CACNA1C: variants seen among roughly 807,000 people sequenced by gnomAD.
CACNA1C encodes the protein voltage-dependent L-type calcium channel subunit alpha-1C.
CACNA1C carries 30 observed loss-of-function variants against 229.0 expected under a neutral mutation model. That is an observed-to-expected ratio of 0.13 (90% CI 0.10 to 0.18). The LOEUF is 0.18. Among genes scored for constraint, CACNA1C ranks in the 10% least tolerant of loss-of-function variants. The probability of loss-of-function intolerance (pLI) is 1.00; values close to 1 mark genes in which losing one functional copy is unlikely to be tolerated. For synonymous variants in CACNA1C, 1,114 were observed against 1,132.5 expected, an observed-to-expected ratio of 0.98 and a Z score of 0.33; for missense variants, 1,658 against 2,845.0, an observed-to-expected ratio of 0.58 and a Z score of 9.49.
intron 5 of CACNA1C, among the ~76,000 whole-genome samples, chr12:2,483,182 G>A (rs573307489): frequency 3.0e-4 from 46 of 152,328 alleles, no homozygotes; most frequent in Admixed American, 5.2e-4. Flanking sequence ...TTGGAGGCAC[G>A]AAGCCAGAGA....
intron 1 of CACNA1C, chr12:2,020,627 CA>C (rs2046277413): frequency 6.6e-6 from 1 of 152,036 alleles, no homozygotes; most frequent in Non-Finnish European, 1.5e-5. Context: ...TTGGCTACAA[CA>C]AAATGGTTGA....
rs549079697 is a variant in CACNA1C, at chr12:2,208,552, C to G, written c.477+88122C>G. ...GTCCCCTAGGCATAAATCTGCTATG[C>G]AGTGCATTGGAGGGAAGCTCCAGGG... On this transcript the variant is annotated intron_variant, in intron 3 of 46. Coordinates refer to ENST00000399655, the MANE Select transcript of CACNA1C (RefSeq NM_000719.7). 2.6e-5 allele frequency among the ~76,000 whole-genome samples: 4 copies of G among 152,302 alleles called. No individual in the cohort carries two copies. The South Asian group carries it at 8.3e-4, about 32-fold the overall frequency.
chr12:2,623,714 G>A (rs1183612841), intron 29 of CACNA1C, among the ~76,000 whole-genome samples: 1 of 152,146 alleles, frequency 6.6e-6, no homozygotes, highest in Non-Finnish European at 1.5e-5. Context: ...TGTCATCTCT[G>A]TCAGTGTCAG....
intron 5 of CACNA1C, among the ~76,000 whole-genome samples, chr12:2,485,297 C>G (rs1048262381): frequency 1.3e-5 from 2 of 152,140 alleles, no homozygotes; most frequent in East Asian, 3.9e-4. Context: ...ACGTGACTTT[C>G]TCGGGGCTGG....
At chr12:2,052,428 G>A (rs2052464991), upstream of CACNA1C, among the ~76,000 whole-genome samples, 1 of 152,002 alleles carries the variant, frequency 6.6e-6, no homozygotes, top group Non-Finnish European at 1.5e-5. Flanking sequence ...GATCCGAAAC[G>A]AGACTCTGGT....
chr12:2,142,342 G>A (rs1047747305), intron 3 of CACNA1C, among the ~76,000 whole-genome samples: 2 of 151,126 alleles, frequency 1.3e-5, no homozygotes, highest in Admixed American at 1.3e-4. Context: ...TTACTTACGT[G>A]TGTGTGGTGG....
chr12:2,074,955 C>T (rs372116816), intron 1 of CACNA1C, among the ~76,000 whole-genome samples: 27 of 152,262 alleles, frequency 1.8e-4, no homozygotes, highest in African/African-American at 5.5e-4. Flanking sequence ...CATGGGGACC[C>T]GGATCAAGCC....
chr12:2,423,651 T>C (rs1319908433), intron 3 of CACNA1C, among the ~76,000 whole-genome samples: 1 of 152,060 alleles, frequency 6.6e-6, no homozygotes, highest in Non-Finnish European at 1.5e-5. Context: ...ACCCAGCAAG[T>C]AAATGGCATA....
chr12:2,542,811 G>C (rs2099874496), intron 9 of CACNA1C, among the ~76,000 whole-genome samples: 1 of 152,288 alleles, frequency 6.6e-6, no homozygotes, highest in African/African-American at 2.4e-5. Context: ...TGCTGTTCAA[G>C]CAAGAGTGGC....
At chr12:2,519,875 C>A (rs887116430) in intron 9 of CACNA1C, among the ~76,000 whole-genome samples, 3 of 152,230 alleles carry the variant, frequency 2.0e-5, no homozygotes, top group Non-Finnish European at 4.4e-5. Flanking sequence ...GGAGCACAGC[C>A]TGGCTGCTGT....
chr12:2,476,913 G>C (rs2099632510), intron 5 of CACNA1C, among the ~76,000 whole-genome samples: 1 of 152,186 alleles, frequency 6.6e-6, no homozygotes, highest in African/African-American at 2.4e-5. Flanking sequence ...AGCTATCCAG[G>C]CAATAGTTCT....
intron 3 of CACNA1C, among the ~76,000 whole-genome samples, chr12:2,394,691 G>A (rs2098542029): frequency 6.6e-6 from 1 of 152,188 alleles, no homozygotes; most frequent in Non-Finnish European, 1.5e-5. Context: ...GGCCCCAGGT[G>A]TAGAGGGATG....
In CACNA1C at chr12:2,226,320, A is replaced by T. The variant is rs2063014627; in HGVS notation, c.477+105890A>T. On this transcript the variant is annotated intron_variant, in intron 3 of 46. Coordinates refer to ENST00000399655, the MANE Select transcript of CACNA1C (RefSeq NM_000719.7). ...CTAGCTGTCAAGGTAGGTGAGACTAAGATTAATCATCCCCATTGTACATAA... is the reference window on the plus strand; with the variant it reads ...CTAGCTGTCAAGGTAGGTGAGACTATGATTAATCATCCCCATTGTACATAA... Among the ~76,000 whole-genome samples the T allele has an allele frequency of 3.3e-5, 5 of 152,324 alleles. No homozygotes were observed. The South Asian group carries it at 1.0e-3, about 32-fold the overall frequency.
At chr12:2,166,565 T>C (rs909119964) in intron 3 of CACNA1C, among the ~76,000 whole-genome samples, 3 of 152,234 alleles carry the variant, frequency 2.0e-5, no homozygotes, top group Admixed American at 2.0e-4. Context: ...AAGGAATTTA[T>C]CGGTTACTAA....
intron 1 of CACNA1C, among the ~76,000 whole-genome samples, chr12:2,071,172 C>G (rs11522855): frequency 0.15 from 2,371 of 16,048 alleles, 641 homozygotes; most frequent in Non-Finnish European, 0.21. Flanking sequence ...CTCCCTCCCT[C>G]CCTGCCTGCC....
Position 2,053,528 on chromosome 12 carries a change from G to T in CACNA1C, c.-35G>T, listed in dbSNP as rs763944848. 1 of 1,569,786 alleles carries T rather than the reference G, an allele frequency of 6.4e-7. No homozygotes were observed. ...GGTGTTTTCACATTTCTTCCTCTTC[G>T]TGGCTGCTCCTCCTATTAAAACCAT... On this transcript the variant is annotated 5_prime_UTR_variant, in exon 1 of 47. Coordinates refer to ENST00000399655, the MANE Select transcript of CACNA1C (RefSeq NM_000719.7). The surrounding 1 kb of genome is among the most constrained non-coding windows in gnomAD (Gnocchi z 5.8).
At chr12:2,004,585 A>G (rs2043021612) in intron 1 of CACNA1C, 1 of 1,147,688 alleles carries the variant, frequency 8.7e-7, no homozygotes, top group African/African-American at 1.6e-5. Context: ...CTGCCCGCCG[A>G]CAGACGCAAG....
chr12:2,110,648 A>G (rs2081285046), intron 1 of CACNA1C, among the ~76,000 whole-genome samples: 1 of 151,992 alleles, frequency 6.6e-6, no homozygotes, highest in Non-Finnish European at 1.5e-5. Flanking sequence ...AGAGATGGGG[A>G]TTTTCCACTC....
chr12:2,069,451 G>A (rs529296442), intron 1 of CACNA1C, among the ~76,000 whole-genome samples: 1 of 152,324 alleles, frequency 6.6e-6, no homozygotes, highest in South Asian at 2.1e-4. Context: ...ATTTGTGTGT[G>A]TCAGAGAGAA....
Sources: allele counts gnomAD v4.1 joint callset (sites outside exome capture counted in the v4.1 genomes callset), GRCh38; gene constraint gnomAD v4.1.1; non-coding constraint Gnocchi (gnomAD v3.1); transcripts MANE v1.5; gene names NCBI Gene and HGNC (gene_info 2026-07-23, HGNC 2026-07-21).